HHAT: variants seen among roughly 807,000 people sequenced by gnomAD.
The protein encoded by HHAT is protein-cysteine N-palmitoyltransferase HHAT.
A neutral mutation model predicts 70.8 loss-of-function variants in HHAT; 47 were observed. The ratio of observed to expected loss-of-function variants is 0.66; its 90% CI spans 0.53 to 0.85. The LOEUF (loss-of-function observed/expected upper bound fraction) is 0.85, where lower values mean the gene tolerates loss of function less well. Among genes scored for constraint, HHAT ranks in the 40% least tolerant of loss-of-function variants. The pLI is 0.00. For missense variants in HHAT, 609 were observed against 604.8 expected, an observed-to-expected ratio of 1.01 and a Z score of -0.07; for synonymous variants, 228 against 247.6, an observed-to-expected ratio of 0.92 and a Z score of 0.74.
intron 10 of HHAT, 118 bp downstream of exon 10, chr1:210,588,217 T>G: frequency 1.2e-6 from 1 of 819,772 alleles, no homozygotes. Context: ...CTAGGTTGGT[T>G]CAAAGTCCAT....
chr1:210,348,644 C>T (rs978700049), intron 1 of HHAT, among the ~76,000 whole-genome samples: 4 of 151,926 alleles, frequency 2.6e-5, no homozygotes, highest in African/African-American at 9.7e-5. Flanking sequence ...AGAGAACTGT[C>T]TGATGTATAC....
At chr1:210,632,590 A>G (rs1671090707) in intron 11 of HHAT, among the ~76,000 whole-genome samples, 1 of 152,162 alleles carries the variant, frequency 6.6e-6, no homozygotes, top group South Asian at 2.1e-4. Flanking sequence ...CCTCTTTCCT[A>G]TTGGCACAAC....
chr1:210,458,009 C>T (rs980443519), intron 7 of HHAT, among the ~76,000 whole-genome samples: 1 of 152,082 alleles, frequency 6.6e-6, no homozygotes, highest in African/African-American at 2.4e-5. Flanking sequence ...ATGTGTGATA[C>T]AGATAATAGA....
chr1:210,435,530 T>C (rs1246968809), intron 7 of HHAT, among the ~76,000 whole-genome samples: 1 of 151,806 alleles, frequency 6.6e-6, no homozygotes, highest in Non-Finnish European at 1.5e-5. Context: ...ATTTTTGTTT[T>C]TTGGGGGCAG....
chr1:210,518,413 G>C (rs1490264048), intron 9 of HHAT, among the ~76,000 whole-genome samples: 3 of 152,146 alleles, frequency 2.0e-5, no homozygotes, highest in Non-Finnish European at 4.4e-5. Context: ...CAAATAACAG[G>C]ATTTCATTCT....
At chr1:210,618,758 G>C (rs1382943663) in intron 10 of HHAT, among the ~76,000 whole-genome samples, 1 of 152,070 alleles carries the variant, frequency 6.6e-6, no homozygotes, top group African/African-American at 2.4e-5. Flanking sequence ...CCCCATCCCC[G>C]GCTTGTTTGC....
At chr1:210,483,911 T>A (rs2094436271) in intron 8 of HHAT, among the ~76,000 whole-genome samples, 1 of 152,188 alleles carries the variant, frequency 6.6e-6, no homozygotes, top group Non-Finnish European at 1.5e-5. Context: ...AAAGCTGTGG[T>A]CAAAATGCTG....
chr1:210,456,159 A>T (rs1393969403), intron 7 of HHAT, among the ~76,000 whole-genome samples: 1 of 152,232 alleles, frequency 6.6e-6, no homozygotes, highest in Non-Finnish European at 1.5e-5. Flanking sequence ...GAAAGGAATT[A>T]TGCAGCCAGA....
At chr1:210,407,724 C>G (rs1029233075) in intron 6 of HHAT, among the ~76,000 whole-genome samples, 2 of 152,156 alleles carry the variant, frequency 1.3e-5, no homozygotes, top group African/African-American at 2.4e-5. Context: ...CTGTGGAACT[C>G]GGATACCAAG....
chr1:210,554,602 A>G (rs2095556315), intron 9 of HHAT, among the ~76,000 whole-genome samples: 1 of 152,160 alleles, frequency 6.6e-6, no homozygotes, highest in Non-Finnish European at 1.5e-5. Context: ...TATACTAGCG[A>G]GGAGGCGGGG....
intron 11 of HHAT, among the ~76,000 whole-genome samples, chr1:210,644,372 G>A (rs1338450005): frequency 2.0e-5 from 3 of 152,094 alleles, no homozygotes; most frequent in Non-Finnish European, 4.4e-5. Flanking sequence ...GGAGGCCAAC[G>A]CAGGCGGATC....
rs1659943552 is a variant in HHAT, at chr1:210,584,282, AT to A, written c.1044-3615del. Among the ~76,000 whole-genome samples the A allele has an allele frequency of 2.6e-5, 4 of 151,944 alleles. No individual in the cohort carries two copies. In the South Asian group the frequency reaches 6.2e-4, roughly 24 times the overall value. On this transcript the variant is annotated intron_variant, in intron 9 of 11. Coordinates refer to ENST00000261458, the MANE Select transcript of HHAT (RefSeq NM_018194.6). ...ATAGTGAGATAAGATTAAAAAAAAA[AT>A]CTCTTCTCTTGGGTGAAGAGAGCAT...
At chr1:210,568,214 T>G (rs764000868) in intron 9 of HHAT, among the ~76,000 whole-genome samples, 1 of 152,274 alleles carries the variant, frequency 6.6e-6, no homozygotes, top group Non-Finnish European at 1.5e-5. Context: ...AACTTCCAGA[T>G]AGCTAAACAT....
intron 10 of HHAT, among the ~76,000 whole-genome samples, chr1:210,604,871 G>T (rs34023395): frequency 0.081 from 12,304 of 152,178 alleles, 651 homozygotes; most frequent in Middle Eastern, 0.15. Flanking sequence ...ATAAAAATCA[G>T]CCTGTTGTGA....
chr1:210,454,978 A>C (rs1322235029), intron 7 of HHAT, among the ~76,000 whole-genome samples: 1 of 152,222 alleles, frequency 6.6e-6, no homozygotes, highest in Admixed American at 6.5e-5. Flanking sequence ...GGAGAGTGTT[A>C]GTTCATGGTT....
At chr1:210,463,085 G>A (rs1320843975) in intron 7 of HHAT, 1 of 151,924 alleles carries the variant, frequency 6.6e-6, no homozygotes, top group Non-Finnish European at 1.5e-5. Context: ...CACTGCTGTG[G>A]CAGACCCACT....
At chr1:210,556,096 C>T (rs888277642) in intron 9 of HHAT, among the ~76,000 whole-genome samples, 1 of 151,784 alleles carries the variant, frequency 6.6e-6, no homozygotes, top group Non-Finnish European at 1.5e-5. Flanking sequence ...TTAGTCTATA[C>T]TCTCATTTCT....
At chr1:210,656,368 G>C (rs148770964) in intron 11 of HHAT, among the ~76,000 whole-genome samples, 1 of 151,834 alleles carries the variant, frequency 6.6e-6, no homozygotes, top group Non-Finnish European at 1.5e-5. Flanking sequence ...CCACAGTCAC[G>C]CATGTGCTTT....
intron 8 of HHAT, among the ~76,000 whole-genome samples, chr1:210,508,585 C>G (rs1213709300): frequency 1.3e-5 from 2 of 152,016 alleles, no homozygotes; most frequent in Non-Finnish European, 2.9e-5. Context: ...AATATGTTGC[C>G]TGACTTATTG....
Sources: gnomAD v4.1 joint callset for allele counts (sites outside exome capture counted in the v4.1 genomes callset) on GRCh38, gnomAD v4.1.1 for gene constraint, MANE v1.5 for transcripts, NCBI Gene and HGNC (gene_info 2026-07-23, HGNC 2026-07-21) for gene names.